Variants in CSMD1 observed in about 807,000 individuals in gnomAD.
CSMD1 encodes the protein CUB and Sushi multiple domains 1, also known as CUB and sushi domain-containing protein 1.
Under a neutral mutation model 417.5 loss-of-function variants are expected in CSMD1, and 213 were observed. The ratio of observed to expected loss-of-function variants is 0.51; its 90% CI spans 0.46 to 0.57. CSMD1 has a LOEUF of 0.57. Among genes scored for constraint, CSMD1 ranks in the 20% least tolerant of loss-of-function variants. The pLI, the probability that CSMD1 is intolerant of heterozygous loss-of-function variation, is 0.00. For missense variants in CSMD1, 6,923 were observed against 4,529.7 expected, an observed-to-expected ratio of 1.53 and a Z score of -15.17; for synonymous variants, 2,862 against 1,736.8, an observed-to-expected ratio of 1.65 and a Z score of -16.11.
chr8:4,393,560 G>A (rs1186561965), intron 3 of CSMD1, among the ~76,000 whole-genome samples: 1 of 152,164 alleles, frequency 6.6e-6, no homozygotes, highest in Admixed American at 6.6e-5. Flanking sequence ...TAAGCATGCA[G>A]CAAGAGAAAG....
chr8:4,361,380 C>A (rs1002863427), intron 3 of CSMD1, among the ~76,000 whole-genome samples: 1 of 129,524 alleles, frequency 7.7e-6, no homozygotes, highest in Non-Finnish European at 1.6e-5. Flanking sequence ...TTAATGTAGC[C>A]TCATGAAGGG....
chr8:4,613,396 G>C (rs754088711), intron 2 of CSMD1, among the ~76,000 whole-genome samples: 6 of 152,106 alleles, frequency 3.9e-5, no homozygotes, highest in Non-Finnish European at 7.3e-5. Context: ...AGAGAAATTA[G>C]AGCTTAGGCA....
At chr8:4,426,492 G>T (rs898317620) in intron 2 of CSMD1, among the ~76,000 whole-genome samples, 1 of 147,306 alleles carries the variant, frequency 6.8e-6, no homozygotes, top group African/African-American at 2.5e-5. Context: ...GACATATATA[G>T]TAAAGTTTTT....
intron 1 of CSMD1, among the ~76,000 whole-genome samples, chr8:4,653,722 G>C (rs1804052930): frequency 6.6e-6 from 1 of 152,018 alleles, no homozygotes; most frequent in Non-Finnish European, 1.5e-5. Context: ...AAAAGGAAAT[G>C]TTGGAGGAAA....
At chr8:4,291,759 G>C (rs1340180438) in intron 3 of CSMD1, among the ~76,000 whole-genome samples, 1 of 152,138 alleles carries the variant, frequency 6.6e-6, no homozygotes, top group Non-Finnish European at 1.5e-5. Context: ...AGAATATTAG[G>C]CTAACTAGCT....
Position 3,787,839 on chromosome 8 carries a change from C to A in CSMD1, c.819-33797G>T, listed in dbSNP as rs1408869888. 4.6e-5 allele frequency among the ~76,000 whole-genome samples: 7 copies of A among 152,136 alleles called. No individual in the cohort carries two copies. In the South Asian group the frequency reaches 1.4e-3, roughly 31 times the overall value. On this transcript the variant is annotated intron_variant, in intron 5 of 69. Coordinates refer to ENST00000635120, the MANE Select transcript of CSMD1 (RefSeq NM_033225.6). ...AATAAGAAATCAGTGTCCTATCTTG[C>A]AAAGCAAGAAAAGTTCTATCACAAA...
intron 25 of CSMD1, among the ~76,000 whole-genome samples, chr8:3,296,785 C>G (rs993988737): frequency 2.0e-5 from 3 of 152,166 alleles, no homozygotes; most frequent in East Asian, 3.9e-4. Flanking sequence ...GAGTTGTCAT[C>G]CAGTGAACTG....
chr8:4,875,959 T>C (rs1803014689), intron 1 of CSMD1, among the ~76,000 whole-genome samples: 1 of 152,112 alleles, frequency 6.6e-6, no homozygotes, highest in Non-Finnish European at 1.5e-5. Context: ...AGAGATGCTA[T>C]TTTTCACATT....
At chr8:4,241,431 C>A (rs1422268124) in intron 3 of CSMD1, among the ~76,000 whole-genome samples, 1 of 152,300 alleles carries the variant, frequency 6.6e-6, no homozygotes, top group Non-Finnish European at 1.5e-5. Context: ...CCTCATAGCA[C>A]TTTATTATCT....
rs976593498 is a variant in CSMD1 at position 3,670,594 on chromosome 8, T to C, written c.1009+37820A>G. Among the ~76,000 whole-genome samples, 4 of 147,924 alleles carry C rather than the reference T, an allele frequency of 2.7e-5. No individual in the cohort carries two copies. The Admixed American group carries it at 2.7e-4, about 10-fold the overall frequency. On this transcript the variant is annotated intron_variant, in intron 7 of 69. Transcript: ENST00000635120. Reference sequence around the variant, plus strand: ...TATATATGGGATATATATGGGGATATATATATTGCACATATATATGGGGAT... The same window carrying C: ...TATATATGGGATATATATGGGGATACATATATTGCACATATATATGGGGAT...
At chr8:3,627,153 A>G (rs1349035502) in intron 7 of CSMD1, among the ~76,000 whole-genome samples, 2 of 152,182 alleles carry the variant, frequency 1.3e-5, no homozygotes, top group Non-Finnish European at 2.9e-5. Context: ...TAATTCTCTT[A>G]GAATATGTGC....
intron 3 of CSMD1, among the ~76,000 whole-genome samples, chr8:4,067,984 G>A (rs566660698): frequency 3.3e-5 from 5 of 152,256 alleles, no homozygotes; most frequent in East Asian, 1.9e-4. Context: ...GGCTGAGAAA[G>A]GAGAATCACC....
chr8:3,619,030 C>G (rs531079341), intron 7 of CSMD1, among the ~76,000 whole-genome samples: 2 of 152,248 alleles, frequency 1.3e-5, no homozygotes, highest in African/African-American at 4.8e-5. Context: ...GTGACAAGCA[C>G]TGCTGTATAG....
intron 3 of CSMD1, among the ~76,000 whole-genome samples, chr8:4,412,649 A>G (rs1796712013): frequency 6.6e-6 from 1 of 152,282 alleles, no homozygotes; most frequent in Non-Finnish European, 1.5e-5. Context: ...CAGAAACTAG[A>G]TTTTCTGATG....
chr8:3,830,828 A>T (rs1316512495), intron 5 of CSMD1, among the ~76,000 whole-genome samples: 6 of 152,214 alleles, frequency 3.9e-5, no homozygotes, highest in African/African-American at 1.4e-4. Flanking sequence ...GGAGTTATTA[A>T]GCTCTCCTTT....
intron 7 of CSMD1, among the ~76,000 whole-genome samples, chr8:3,675,758 G>T (rs985614660): frequency 6.6e-6 from 1 of 152,076 alleles, no homozygotes; most frequent in African/African-American, 2.4e-5. Flanking sequence ...TCAAAACTGT[G>T]AGAAATATAT....
chr8:4,470,911 G>C (rs1332062228), intron 2 of CSMD1, among the ~76,000 whole-genome samples: 2 of 152,164 alleles, frequency 1.3e-5, no homozygotes, highest in Non-Finnish European at 2.9e-5. Flanking sequence ...TGATTGTTTA[G>C]TATGAATGTG....
At chr8:4,557,309 C>T (rs764621111) in intron 2 of CSMD1, among the ~76,000 whole-genome samples, 17 of 152,194 alleles carry the variant, frequency 1.1e-4, no homozygotes, top group Non-Finnish European at 2.5e-4. Flanking sequence ...AAGAAAATCA[C>T]TAGGTTCTAA....
chr8:4,916,673 T>G (rs1356470223), intron 1 of CSMD1, among the ~76,000 whole-genome samples: 1 of 152,210 alleles, frequency 6.6e-6, no homozygotes, highest in East Asian at 1.9e-4. Flanking sequence ...TCTAGGCATT[T>G]TTTTACAGCT....
Sources: gnomAD v4.1 joint callset for allele counts (sites outside exome capture counted in the v4.1 genomes callset) on GRCh38, gnomAD v4.1.1 for gene constraint, MANE v1.5 for transcripts, NCBI Gene and HGNC (gene_info 2026-07-23, HGNC 2026-07-21) for gene names.